Variants in CNTNAP5 observed in about 807,000 individuals in gnomAD.
CNTNAP5 encodes the protein contactin-associated protein-like 5.
Under a neutral mutation model 150.2 loss-of-function variants are expected in CNTNAP5, and 72 were observed. The ratio of observed to expected loss-of-function variants is 0.48; its 90% CI spans 0.40 to 0.58. CNTNAP5 has a LOEUF of 0.58. Among genes scored for constraint, CNTNAP5 ranks in the 20% least tolerant of loss-of-function variants. The pLI is 0.00. For synonymous variants in CNTNAP5, 672 were observed against 619.8 expected (o/e 1.08, Z -1.25); for missense variants, 1,636 against 1,626.2 (o/e 1.01, Z -0.10).
intron 13 of CNTNAP5, among the ~76,000 whole-genome samples, chr2:124,698,748 C>A (rs1679458350): frequency 6.6e-6 from 1 of 152,096 alleles, no homozygotes; most frequent in Non-Finnish European, 1.5e-5. Context: ...TGTCTCTGCC[C>A]CAAGTGCCAA....
chr2:124,271,437 G>T (rs2104613087), intron 3 of CNTNAP5, among the ~76,000 whole-genome samples: 1 of 152,098 alleles, frequency 6.6e-6, no homozygotes, highest in African/African-American at 2.4e-5. Context: ...TGGCTAGAAG[G>T]CAAGAGAAAA....
intron 19 of CNTNAP5, among the ~76,000 whole-genome samples, chr2:124,814,243 CT>C (rs113061644): frequency 0.051 from 7,308 of 143,136 alleles, 546 homozygotes; most frequent in African/African-American, 0.17. Flanking sequence ...CTCGAATCCT[CT>C]TTTTTTTTTT....
At chr2:124,797,209 A>G (rs1026328550) in intron 18 of CNTNAP5, among the ~76,000 whole-genome samples, 1 of 152,218 alleles carries the variant, frequency 6.6e-6, no homozygotes, top group South Asian at 2.1e-4. Flanking sequence ...GGCCGGCATG[A>G]AACCAAGTGA....
chr2:124,517,908 A>T, intron 8 of CNTNAP5, among the ~76,000 whole-genome samples: 1 of 141,860 alleles, frequency 7.0e-6, no homozygotes, highest in Non-Finnish European at 1.5e-5. Context: ...GTATTGGTGA[A>T]GAGGGGTTGT....
chr2:124,694,027 G>A lies in CNTNAP5; in HGVS notation c.2077+46069G>A, dbSNP rs113803457. On this transcript the variant is annotated intron_variant, in intron 13 of 23. Transcript: ENST00000682447. ...ACAATGGGATTTCGTATAAACAACT[G>A]TGTACACACTTATGGGCTCATTCTG... is the stretch of plus-strand genomic sequence containing the variant. 1.4e-4 allele frequency among the ~76,000 whole-genome samples: 21 copies of A among 152,120 alleles called. 1 individual carries two copies. The highest frequency in any genetic ancestry group is 4.8e-4 in the African/African-American group (20 of 41,506).
At chr2:124,133,548 G>A (rs912322719) in intron 1 of CNTNAP5, among the ~76,000 whole-genome samples, 2 of 152,132 alleles carry the variant, frequency 1.3e-5, no homozygotes, top group Non-Finnish European at 2.9e-5. Flanking sequence ...GGCTGGAGTT[G>A]TAGAAGATTC....
At chr2:124,093,421 C>A (rs1176742450) in intron 1 of CNTNAP5, among the ~76,000 whole-genome samples, 1 of 152,164 alleles carries the variant, frequency 6.6e-6, no homozygotes, top group African/African-American at 2.4e-5. Context: ...TCTTGACTTG[C>A]ATTTTGAAGG....
intron 10 of CNTNAP5, among the ~76,000 whole-genome samples, chr2:124,545,178 A>G (rs893727760): frequency 6.6e-6 from 1 of 152,126 alleles, no homozygotes; most frequent in Non-Finnish European, 1.5e-5. Context: ...TTTGGTTTCT[A>G]ATTTTTTTCT....
intron 7 of CNTNAP5, among the ~76,000 whole-genome samples, chr2:124,488,161 A>T (rs1038912099): frequency 1.3e-5 from 2 of 152,230 alleles, no homozygotes; most frequent in African/African-American, 4.8e-5. Flanking sequence ...CCGCAATTTT[A>T]TCAAAGCAAT....
chr2:124,105,088 A>G (rs932399321), intron 1 of CNTNAP5, among the ~76,000 whole-genome samples: 18 of 142,506 alleles, frequency 1.3e-4, no homozygotes, highest in Non-Finnish European at 3.2e-5. Context: ...ATACACACCT[A>G]TTAGCATACA....
intron 21 of CNTNAP5, among the ~76,000 whole-genome samples, chr2:124,890,791 G>T (rs939247202): frequency 1.3e-5 from 2 of 152,094 alleles, no homozygotes; most frequent in African/African-American, 4.8e-5. Context: ...CTGAATCAAA[G>T]TAAAATGCTA....
At chr2:124,403,777 A>T (rs1691494962) in intron 3 of CNTNAP5, among the ~76,000 whole-genome samples, 2 of 152,178 alleles carry the variant, frequency 1.3e-5, no homozygotes, top group Non-Finnish European at 2.9e-5. Flanking sequence ...AATTTATAAA[A>T]GAAGGAGGTT....
intron 12 of CNTNAP5, among the ~76,000 whole-genome samples, chr2:124,614,743 C>T (rs1027570307): frequency 6.6e-6 from 1 of 152,132 alleles, no homozygotes; most frequent in Non-Finnish European, 1.5e-5. Flanking sequence ...AGCTTCTTTG[C>T]AGCATCCTGT....
intron 12 of CNTNAP5, among the ~76,000 whole-genome samples, chr2:124,632,372 A>G (rs1041765081): frequency 1.3e-5 from 2 of 152,232 alleles, no homozygotes; most frequent in Non-Finnish European, 2.9e-5. Context: ...ACTATGCAGC[A>G]ATAAAAAGAA....
intron 21 of CNTNAP5, among the ~76,000 whole-genome samples, chr2:124,889,863 A>G (rs1385191633): frequency 6.6e-6 from 1 of 152,052 alleles, no homozygotes; most frequent in Non-Finnish European, 1.5e-5. Flanking sequence ...CCACTGTTAT[A>G]TGTGCTAGGA....
rs7586261 is a variant in CNTNAP5 at position 124,588,177 on chromosome 2, C to T, written c.1757-21624C>T. Reference sequence around the variant, plus strand: ...TTCCTTTTCCTTCCTTCCTTCCTTCCTTCTTTCTTTCTTTCTTTCTTTCTT... The same window carrying T: ...TTCCTTTTCCTTCCTTCCTTCCTTCTTTCTTTCTTTCTTTCTTTCTTTCTT... On this transcript the variant is annotated intron_variant, in intron 11 of 23. Coordinates refer to ENST00000682447, the MANE Select transcript of CNTNAP5 (RefSeq NM_001367498.1). Among the ~76,000 whole-genome samples the T allele has an allele frequency of 6.4e-3, 705 of 110,842 alleles. 8 individuals are homozygous for T. The highest frequency in any genetic ancestry group is 0.014 in the African/African-American group (427 of 30,592). 72.7% of individuals were successfully genotyped at this position (110,842 alleles called of 152,430 possible). A position where few individuals can be genotyped will look rare whatever the true frequency, so the allele number is the denominator to read the frequency against.
At position 124,609,931 on chromosome 2, in the gene CNTNAP5, A is replaced by G; in HGVS notation, c.1876+11A>G. ...ACTGCAATATCACTGGTAAGGGTGC[A>G]GTAGCCCTACTCACACTTAACCACC... On this transcript the variant is annotated intron_variant, in intron 12 of 23. Transcript: ENST00000682447. 1 of 1,610,552 alleles carries G rather than the reference A, an allele frequency of 6.2e-7. No homozygotes were observed. The highest frequency in any genetic ancestry group is 8.5e-7 in the Non-Finnish European group (1 of 1,177,178).
chr2:124,902,187 C>T (rs985324975), intron 21 of CNTNAP5, among the ~76,000 whole-genome samples: 1 of 151,980 alleles, frequency 6.6e-6, no homozygotes, highest in African/African-American at 2.4e-5. Context: ...TTGAAGAAAA[C>T]AAGACATTTG....
intron 13 of CNTNAP5, among the ~76,000 whole-genome samples, chr2:124,664,325 G>GAAAAAAA (rs34108388): frequency 9.4e-6 from 1 of 106,186 alleles, no homozygotes; most frequent in Admixed American, 1.1e-4. Context: ...CCTGTCTCAA[G>GAAAAAAA]AAAAAAAAAA....
Sources: gnomAD v4.1 joint callset for allele counts (sites outside exome capture counted in the v4.1 genomes callset) on GRCh38, gnomAD v4.1.1 for gene constraint, MANE v1.5 for transcripts, NCBI Gene and HGNC (gene_info 2026-07-23, HGNC 2026-07-21) for gene names.